Variants in RNF125 observed in about 807,000 individuals in gnomAD.
RNF125 encodes E3 ubiquitin-protein ligase RNF125.
In RNF125, 21 loss-of-function variants were observed where a neutral mutation model predicts 26.0. The observed-to-expected ratio is 0.81, with a 90% CI of 0.57 to 1.16. The LOEUF is 1.16. Ranked by LOEUF, RNF125 falls within the 50% of genes most tolerant of loss-of-function variation. RNF125 has a pLI of 0.00. For synonymous variants in RNF125, 95 were observed against 109.2 expected (o/e 0.87, Z 0.81); for missense variants, 270 against 299.4 (o/e 0.90, Z 0.72).
At chr18:32,056,847 C>G (rs2039390203) in intron 4 of RNF125, among the ~76,000 whole-genome samples, 1 of 152,090 alleles carries the variant, frequency 6.6e-6, no homozygotes, top group Admixed American at 6.5e-5. Context: ...CAAAAAATTA[C>G]AAACCTTCTT....
intron 3 of RNF125, among the ~76,000 whole-genome samples, chr18:32,044,301 G>A (rs372444197): frequency 1.3e-5 from 2 of 151,932 alleles, no homozygotes; most frequent in African/African-American, 2.4e-5. Flanking sequence ...CACTGCTCCC[G>A]GCCTAGAAAT....
intron 1 of RNF125, among the ~76,000 whole-genome samples, chr18:32,029,671 T>A (rs921158483): frequency 9.2e-5 from 14 of 151,744 alleles, no homozygotes; most frequent in Admixed American, 4.6e-4. Context: ...ACATTTGTTG[T>A]CAGATTGAAA....
At chr18:32,033,098 A>C (rs1291106082) in intron 1 of RNF125, among the ~76,000 whole-genome samples, 5 of 152,222 alleles carry the variant, frequency 3.3e-5, no homozygotes, top group African/African-American at 1.2e-4. Context: ...TGGAAAGTCC[A>C]GATTGCCTGA....
At chr18:32,023,404 C>A (rs766131329) in intron 1 of RNF125, among the ~76,000 whole-genome samples, 5 of 152,132 alleles carry the variant, frequency 3.3e-5, no homozygotes, top group Non-Finnish European at 7.4e-5. Flanking sequence ...TTGCCTGCCT[C>A]GGCCTCCCAA....
downstream of RNF125, chr18:32,076,174 G>A: frequency 1.9e-6 from 1 of 537,512 alleles, no homozygotes; most frequent in East Asian, 3.6e-5. Flanking sequence ...ACCGGATGAT[G>A]ACTTTGGAGC....
intron 3 of RNF125, among the ~76,000 whole-genome samples, 155 bp downstream of exon 3, chr18:32,042,428 G>C (rs2039230285): frequency 6.6e-6 from 1 of 152,144 alleles, no homozygotes; most frequent in Non-Finnish European, 1.5e-5. Context: ...TTTGTTGATA[G>C]CAATCATTGT....
In RNF125 at chr18:32,019,023, C is replaced by G; in HGVS notation, c.160C>G (p.His54Asp). The change falls in exon 1 of 6, where the codon CAC (histidine) becomes GAC (aspartate). Residue 54 changes from histidine to aspartate, a missense_variant. Coordinates refer to ENST00000217740, the MANE Select transcript of RNF125 (RefSeq NM_017831.4). ...CCAGCCTGTCCGGACCCGCTGTGGC[C>G]ACGTGTAAGTTCCAGGGGAGCTCGG... is the stretch of plus-strand genomic sequence containing the variant. ...LHQPVRTRCG[H>D]VFCRSCIATS... The G allele has an allele frequency of 6.2e-7, 1 of 1,612,470 alleles. No homozygotes were observed. The highest frequency in any genetic ancestry group is 8.5e-7 in the Non-Finnish European group (1 of 1,179,342).
intron 4 of RNF125, among the ~76,000 whole-genome samples, chr18:32,065,307 G>A (rs1347770546): frequency 6.6e-6 from 1 of 151,978 alleles, no homozygotes; most frequent in Non-Finnish European, 1.5e-5. Context: ...GCAAGATCTC[G>A]GCTCACTGAA....
At chr18:32,056,414 C>G (rs2039383366) in intron 4 of RNF125, among the ~76,000 whole-genome samples, 1 of 151,912 alleles carries the variant, frequency 6.6e-6, no homozygotes, top group African/African-American at 2.4e-5. Context: ...GAGTTCGAGA[C>G]CAGCCTGACC....
At chr18:32,088,614 T>G in the RNF125 span, among the ~76,000 whole-genome samples, 3 of 152,304 alleles carry the variant, frequency 2.0e-5, no homozygotes, top group South Asian at 6.2e-4. Context: ...GCCACTCTTC[T>G]GCCTCAGCCT....
At chr18:32,037,497 C>G (rs79382971) in intron 2 of RNF125, among the ~76,000 whole-genome samples, 1 of 150,788 alleles carries the variant, frequency 6.6e-6, no homozygotes. Context: ...CGCAGCTTCT[C>G]GAGTAGCTGG....
chr18:32,083,203 T>G, the RNF125 span, among the ~76,000 whole-genome samples: 1,487 of 152,308 alleles, frequency 9.8e-3, 24 homozygotes, highest in African/African-American at 0.034. Context: ...TTGATAGGAA[T>G]TACATTTCTT....
intron 2 of RNF125, among the ~76,000 whole-genome samples, chr18:32,039,155 A>G (rs1018521037): frequency 2.0e-5 from 3 of 151,350 alleles, no homozygotes; most frequent in Non-Finnish European, 4.4e-5. Context: ...TAATCCCAGC[A>G]CTTTGGGAGC....
chr18:32,040,464 G>A (rs761308847), intron 2 of RNF125, among the ~76,000 whole-genome samples: 6 of 151,622 alleles, frequency 4.0e-5, no homozygotes, highest in African/African-American at 7.3e-5. Flanking sequence ...TAGAGAGGGG[G>A]TTTCCATATT....
rs1367695194 is a variant in RNF125 at position 32,071,337 on chromosome 18, T to C, written c.*2953T>C. 2 of 152,166 alleles carry C rather than the reference T, an allele frequency of 1.3e-5. No individual in the cohort carries two copies. The allele number at this position is 152,166 out of a possible 1,614,324, so 9.4% of individuals were successfully genotyped here. On this transcript the variant is annotated 3_prime_UTR_variant, in exon 6 of 6. Transcript: ENST00000217740. ...TTTAGTAGAGATGGGTTTTGCCATG[T>C]TGGCCAGGCTGGTTTTGAACTCCTG... is the stretch of plus-strand genomic sequence containing the variant.
chr18:32,090,118 T>C, the RNF125 span, among the ~76,000 whole-genome samples: 1 of 152,186 alleles, frequency 6.6e-6, no homozygotes, highest in Non-Finnish European at 1.5e-5. Context: ...TGGTGGTGCA[T>C]GCCTGTAATC....
intron 4 of RNF125, among the ~76,000 whole-genome samples, chr18:32,046,778 C>G (rs2039276455): frequency 6.6e-6 from 1 of 151,900 alleles, no homozygotes; most frequent in African/African-American, 2.4e-5. Context: ...ATGCTTTTTC[C>G]TTTTCAGCCT....
Position 32,050,865 on chromosome 18 carries a change from CTTTTTTTTTTTTTTTTTT to C in RNF125, c.504+5150_504+5167del, listed in dbSNP as rs531751585. Among the ~76,000 whole-genome samples, 34 of 46,338 alleles carry C rather than the reference CTTTTTTTTTTTTTTTTTT, an allele frequency of 7.3e-4. 1 individual carries two copies. The highest frequency in any genetic ancestry group is 1.8e-3 in the Admixed American group (5 of 2,740). The allele number at this position is 46,338 out of a possible 152,430, so 30.4% of individuals were successfully genotyped here. On this transcript the variant is annotated intron_variant, in intron 4 of 5. Coordinates refer to ENST00000217740, the MANE Select transcript of RNF125 (RefSeq NM_017831.4). ...CCAGCTAGTCTCTCGGTCTAGAGTG[CTTTTTTTTTTTTTTTTTT>C]TTTTTTTTTTTTTTTTGAAGAGACG... is the stretch of plus-strand genomic sequence containing the variant.
At chr18:32,039,013 G>C (rs1412319144) in intron 2 of RNF125, among the ~76,000 whole-genome samples, 2 of 150,788 alleles carry the variant, frequency 1.3e-5, no homozygotes, top group East Asian at 4.0e-4. Flanking sequence ...CGATCTGCCC[G>C]CCTCGGACTC....
Sources: allele counts gnomAD v4.1 joint callset (sites outside exome capture counted in the v4.1 genomes callset), GRCh38; gene constraint gnomAD v4.1.1; transcripts MANE v1.5; gene names NCBI Gene and HGNC (gene_info 2026-07-23, HGNC 2026-07-21).